The following RBMS1 variants were observed in gnomAD, a reference collection of about 807,000 sequenced individuals.
RBMS1 encodes RNA binding motif single stranded interacting protein 1.
In RBMS1, 17 loss-of-function variants were observed where a neutral mutation model predicts 62.3. The ratio of observed to expected loss-of-function variants is 0.27; its 90% CI spans 0.19 to 0.41. The LOEUF is 0.41. Among genes scored for constraint, RBMS1 ranks in the 10% least tolerant of loss-of-function variants. The probability of loss-of-function intolerance (pLI) is 1.00; values close to 1 mark genes in which losing one functional copy is unlikely to be tolerated. For synonymous variants in RBMS1, 172 were observed against 170.0 expected (o/e 1.01, Z -0.09); for missense variants, 334 against 504.5 (o/e 0.66, Z 3.24).
rs564655666 is a variant in RBMS1 at position 160,458,281 on chromosome 2, AAAAAAACAGATC to A, written c.75+34996_75+35007del. On this transcript the variant is annotated intron_variant, in intron 1 of 13. Coordinates refer to ENST00000348849, the MANE Select transcript of RBMS1 (RefSeq NM_016836.4). ...ATCTGGCCTAAAACTGTCAATATCTAAAAAAACAGATCCAGAAACTTGCCACGGAAACTATTT... is the reference window on the plus strand; with the variant it reads ...ATCTGGCCTAAAACTGTCAATATCTACAGAAACTTGCCACGGAAACTATTT... Among the ~76,000 whole-genome samples, 14 of 152,258 alleles carry A rather than the reference AAAAAAACAGATC, an allele frequency of 9.2e-5. No homozygotes were observed. In the East Asian group the frequency reaches 2.5e-3, roughly 27 times the overall value.
intron 1 of RBMS1, among the ~76,000 whole-genome samples, chr2:160,376,437 T>C (rs1267712680): frequency 6.6e-6 from 1 of 152,194 alleles, no homozygotes; most frequent in Non-Finnish European, 1.5e-5. Context: ...GACAATGTTG[T>C]AATTTTGTGT....
At chr2:160,308,535 C>G (rs1281009214) in intron 4 of RBMS1, among the ~76,000 whole-genome samples, 1 of 152,072 alleles carries the variant, frequency 6.6e-6, no homozygotes, top group Non-Finnish European at 1.5e-5. Flanking sequence ...TGGTATAGAA[C>G]AATAAACCCA....
At chr2:160,317,783 G>A (rs1324615231) in intron 3 of RBMS1, among the ~76,000 whole-genome samples, 1 of 152,176 alleles carries the variant, frequency 6.6e-6, no homozygotes, top group Non-Finnish European at 1.5e-5. Context: ...TGCACAATAT[G>A]TAATCTTTTC....
intron 1 of RBMS1, among the ~76,000 whole-genome samples, chr2:160,451,876 T>C (rs1246932043): frequency 3.3e-5 from 5 of 152,134 alleles, no homozygotes; most frequent in Non-Finnish European, 2.9e-5. Context: ...TCCTAAAGTG[T>C]TGGGATTACA....
chr2:160,322,172 C>T (rs1326456112), intron 2 of RBMS1, among the ~76,000 whole-genome samples: 1 of 152,136 alleles, frequency 6.6e-6, no homozygotes, highest in East Asian at 1.9e-4. Flanking sequence ...TTATTATTCC[C>T]ATTTGTGCAT....
chr2:160,287,911 T>C (rs1008545319), intron 6 of RBMS1, among the ~76,000 whole-genome samples: 1 of 150,608 alleles, frequency 6.6e-6, no homozygotes, highest in Admixed American at 6.6e-5. Context: ...TGTATATTAT[T>C]ACTATATTAC....
At chr2:160,338,516 T>C (rs1691697428) in intron 2 of RBMS1, among the ~76,000 whole-genome samples, 1 of 152,172 alleles carries the variant, frequency 6.6e-6, no homozygotes, top group Non-Finnish European at 1.5e-5. Context: ...TGCACAATAA[T>C]GGCATGTCAA....
At chr2:160,358,150 A>G (rs1442380609) in intron 2 of RBMS1, among the ~76,000 whole-genome samples, 1 of 152,028 alleles carries the variant, frequency 6.6e-6, no homozygotes, top group Non-Finnish European at 1.5e-5. Context: ...TAAGCTCTCA[A>G]CTCTGCTTTG....
intron 1 of RBMS1, chr2:160,407,625 C>T (rs1338236129): frequency 2.0e-6 from 2 of 981,652 alleles, no homozygotes; most frequent in Non-Finnish European, 2.4e-6. Context: ...GCCGGCCGGG[C>T]CCGGGGCCGC....
At chr2:160,412,154 C>T (rs538686171) in intron 1 of RBMS1, among the ~76,000 whole-genome samples, 1 of 152,224 alleles carries the variant, frequency 6.6e-6, no homozygotes, top group African/African-American at 2.4e-5. Flanking sequence ...AAGGATGCAG[C>T]CACCAGTACA....
intron 1 of RBMS1, among the ~76,000 whole-genome samples, chr2:160,491,431 C>T (rs184929983): frequency 7.3e-4 from 111 of 152,256 alleles, no homozygotes; most frequent in African/African-American, 2.5e-3. Context: ...GAAAATGGGC[C>T]GTAAAGCTTT....
At chr2:160,450,501 T>C (rs544696928) in intron 1 of RBMS1, among the ~76,000 whole-genome samples, 149 of 138,992 alleles carry the variant, frequency 1.1e-3, no homozygotes, top group Non-Finnish European at 1.9e-3. Flanking sequence ...GATTGCACCA[T>C]TGCACTCCAG....
chr2:160,409,580 C>T (rs933466162), intron 1 of RBMS1, among the ~76,000 whole-genome samples: 3 of 152,174 alleles, frequency 2.0e-5, no homozygotes, highest in Non-Finnish European at 2.9e-5. Flanking sequence ...ATGTTCAAGT[C>T]ATAGGTGCCT....
At chr2:160,440,689 G>A (rs190965850) in intron 1 of RBMS1, among the ~76,000 whole-genome samples, 16 of 152,222 alleles carry the variant, frequency 1.1e-4, no homozygotes, top group East Asian at 3.9e-4. Context: ...TTGTTGACTC[G>A]AGGTCACTCT....
intron 1 of RBMS1, among the ~76,000 whole-genome samples, chr2:160,476,715 C>T (rs1419346600): frequency 2.0e-5 from 3 of 151,656 alleles, no homozygotes; most frequent in Non-Finnish European, 2.9e-5. Context: ...CCACTACGCC[C>T]GGCTAATTTT....
intron 3 of RBMS1, among the ~76,000 whole-genome samples, chr2:160,315,179 T>C (rs1249624220): frequency 2.6e-5 from 4 of 152,206 alleles, no homozygotes; most frequent in Admixed American, 2.6e-4. Context: ...TAGTTAACTG[T>C]TTACATCCTT....
intron 1 of RBMS1, among the ~76,000 whole-genome samples, chr2:160,456,118 A>T (rs558056795): frequency 2.4e-4 from 36 of 152,370 alleles, no homozygotes; most frequent in Admixed American, 1.9e-3. Flanking sequence ...AAAGAGTGGA[A>T]CTAATAATTT....
At chr2:160,418,809 A>C (rs1316353340) in intron 1 of RBMS1, among the ~76,000 whole-genome samples, 1 of 152,190 alleles carries the variant, frequency 6.6e-6, no homozygotes, top group Non-Finnish European at 1.5e-5. Context: ...ATTATAATTG[A>C]TCTCACCTTG....
intron 1 of RBMS1, among the ~76,000 whole-genome samples, chr2:160,461,084 C>T (rs1287764245): frequency 1.3e-5 from 2 of 152,064 alleles, no homozygotes; most frequent in Non-Finnish European, 2.9e-5. Context: ...ACAGCAAGAC[C>T]CCATCTCTTA....
Sources: allele counts gnomAD v4.1 joint callset (sites outside exome capture counted in the v4.1 genomes callset), GRCh38; gene constraint gnomAD v4.1.1; transcripts MANE v1.5; gene names NCBI Gene and HGNC (gene_info 2026-07-23, HGNC 2026-07-21).